The following GALNT17 variants were observed in gnomAD, a reference collection of about 807,000 sequenced individuals.
GALNT17 encodes UDP-GalNAc:polypeptide N-acetylgalactosaminyltransferase-like 3.
Under a neutral mutation model 63.7 loss-of-function variants are expected in GALNT17, and 29 were observed. The observed-to-expected ratio is 0.46, with a 90% confidence interval of 0.34 to 0.62. GALNT17 has a LOEUF of 0.62. Among genes scored for constraint, GALNT17 ranks in the 20% least tolerant of loss-of-function variants. The pLI is 0.01. For synonymous variants in GALNT17, 305 were observed against 318.3 expected (o/e 0.96, Z 0.45); for missense variants, 603 against 799.6 (o/e 0.75, Z 2.97).
intron 6 of GALNT17, among the ~76,000 whole-genome samples, chr7:71,594,645 A>T (rs1239862463): frequency 6.6e-6 from 1 of 152,200 alleles, no homozygotes; most frequent in Non-Finnish European, 1.5e-5. Flanking sequence ...GAAGAGATCT[A>T]TGCTCAGGCA....
chr7:71,588,606 G>A (rs1789753638), intron 6 of GALNT17, among the ~76,000 whole-genome samples: 2 of 152,198 alleles, frequency 1.3e-5, no homozygotes, highest in South Asian at 4.2e-4. Context: ...TTGCTGTGTA[G>A]TCACAGCCAC....
intron 2 of GALNT17, among the ~76,000 whole-genome samples, chr7:71,345,711 A>G (rs1039299538): frequency 1.3e-5 from 2 of 152,090 alleles, no homozygotes; most frequent in Non-Finnish European, 2.9e-5. Context: ...ATAATGAATG[A>G]GTGGAGCAAA....
At chr7:71,270,848 A>C (rs73370015) in intron 1 of GALNT17, among the ~76,000 whole-genome samples, 2,704 of 152,206 alleles carry the variant, frequency 0.018, 68 homozygotes, top group African/African-American at 0.06. Flanking sequence ...CAGGAAAAAA[A>C]AATAAAAAAG....
chr7:71,362,973 C>CTT (rs918133566), intron 2 of GALNT17, among the ~76,000 whole-genome samples: 2 of 149,502 alleles, frequency 1.3e-5, no homozygotes, highest in Non-Finnish European at 3.0e-5. Context: ...TTCTTTCTTT[C>CTT]TTTTTTTTTT....
At chr7:71,329,895 ATATATATG>A (rs1791773049) in intron 1 of GALNT17, among the ~76,000 whole-genome samples, 1 of 143,582 alleles carries the variant, frequency 7.0e-6, no homozygotes, top group African/African-American at 2.6e-5. Context: ...CTCCAAGAAT[ATATATATG>A]TATATATATA....
chr7:71,356,619 G>A (rs1470177536), intron 2 of GALNT17, among the ~76,000 whole-genome samples: 1 of 152,160 alleles, frequency 6.6e-6, no homozygotes, highest in Non-Finnish European at 1.5e-5. Context: ...AACTCACAGA[G>A]TAGAGAACTT....
chr7:71,365,483 A>T (rs1040374758), intron 2 of GALNT17, among the ~76,000 whole-genome samples: 1 of 151,888 alleles, frequency 6.6e-6, no homozygotes, highest in Non-Finnish European at 1.5e-5. Context: ...GTGGTGATCC[A>T]CCCGCCTCGG....
intron 6 of GALNT17, among the ~76,000 whole-genome samples, chr7:71,647,625 A>G (rs1028456401): frequency 2.0e-5 from 3 of 152,020 alleles, no homozygotes; most frequent in African/African-American, 7.2e-5. Context: ...TACCTCTACC[A>G]TTGCTTCTGT....
intron 6 of GALNT17, among the ~76,000 whole-genome samples, chr7:71,646,920 G>T (rs1373630214): frequency 2.0e-5 from 3 of 149,784 alleles, no homozygotes; most frequent in Non-Finnish European, 4.4e-5. Context: ...CTAATTTTTT[G>T]TATTTTTAGT....
intron 5 of GALNT17, among the ~76,000 whole-genome samples, chr7:71,562,452 C>A (rs1178562783): frequency 6.6e-6 from 1 of 152,172 alleles, no homozygotes; most frequent in Non-Finnish European, 1.5e-5. Flanking sequence ...AGTGGGAGCC[C>A]TGAGCTTGTT....
rs773484008 is a variant in GALNT17 at position 71,132,958 on chromosome 7, C to G, written c.156C>G (p.Ser52Arg). 6.8e-6 allele frequency: 11 copies of G among 1,609,822 alleles called. No homozygotes were observed. The highest frequency in any genetic ancestry group is 1.1e-5 in the South Asian group (1 of 90,976). Reference protein sequence around the residue: ...IRPRAEVANLSAHSASPIQDA... With the variant: ...IRPRAEVANLRAHSASPIQDA... ...CGCGCGCCGAGGTGGCCAACCTCAGCGCGCACAGCGCCAGCCCCATCCAGG... is the reference window on the plus strand; with the variant it reads ...CGCGCGCCGAGGTGGCCAACCTCAGGGCGCACAGCGCCAGCCCCATCCAGG... The change falls in exon 1 of 11, where the codon AGC becomes AGG. Residue 52 changes from serine to arginine, a missense_variant. Ser to Arg is a moderately radical substitution (Grantham distance 110). This residue lies in a region of GALNT17 where 195 missense variants were observed against 215.0 expected (regional missense o/e 0.91). Coordinates refer to ENST00000333538, the MANE Select transcript of GALNT17 (RefSeq NM_022479.3).
chr7:71,203,682 T>A (rs1325954459), intron 1 of GALNT17, among the ~76,000 whole-genome samples: 1 of 152,202 alleles, frequency 6.6e-6, no homozygotes, highest in Non-Finnish European at 1.5e-5. Context: ...TGCTGGCATC[T>A]GCTCAGATTC....
intron 5 of GALNT17, among the ~76,000 whole-genome samples, chr7:71,491,159 A>G: frequency 6.6e-6 from 1 of 152,094 alleles, no homozygotes; most frequent in Non-Finnish European, 1.5e-5. Context: ...GTACCATTGC[A>G]CTCCAGCCTG....
intron 1 of GALNT17, among the ~76,000 whole-genome samples, chr7:71,229,863 G>A (rs565818775): frequency 2.0e-5 from 3 of 152,338 alleles, no homozygotes; most frequent in Middle Eastern, 3.4e-3. Flanking sequence ...CTCCGTGGCC[G>A]GAAGGGTAAT....
At chr7:71,595,201 C>T (rs760724053) in intron 6 of GALNT17, among the ~76,000 whole-genome samples, 1 of 152,204 alleles carries the variant, frequency 6.6e-6, no homozygotes, top group African/African-American at 2.4e-5. Flanking sequence ...ACCTGAGAAT[C>T]GCTAGAGGTT....
At chr7:71,359,044 G>A (rs191316686) in intron 2 of GALNT17, among the ~76,000 whole-genome samples, 57 of 152,204 alleles carry the variant, frequency 3.7e-4, no homozygotes, top group African/African-American at 1.3e-3. Flanking sequence ...CAAAATTCTG[G>A]GATTTGCTTC....
At chr7:71,476,381 G>A (rs568468103) in intron 5 of GALNT17, among the ~76,000 whole-genome samples, 9 of 152,262 alleles carry the variant, frequency 5.9e-5, no homozygotes, top group East Asian at 3.9e-4. Flanking sequence ...ATGGAAAGAT[G>A]TGTGGTTTTC....
chr7:71,454,452 A>G (rs866924201), intron 5 of GALNT17, among the ~76,000 whole-genome samples: 48 of 152,178 alleles, frequency 3.2e-4, no homozygotes, highest in African/African-American at 1.2e-3. Flanking sequence ...CATTTTCTTT[A>G]TCCAGTCTAT....
intron 5 of GALNT17, among the ~76,000 whole-genome samples, chr7:71,422,214 C>T (rs1279824152): frequency 6.6e-6 from 1 of 152,092 alleles, no homozygotes; most frequent in Non-Finnish European, 1.5e-5. Context: ...CCTTTTCCAG[C>T]TTCCAGAAGC....
Sources: gnomAD v4.1 joint callset for allele counts (sites outside exome capture counted in the v4.1 genomes callset) on GRCh38, gnomAD v4.1.1 for gene constraint, gnomAD v4.1.1 regional missense constraint, MANE v1.5 for transcripts, NCBI Gene and HGNC (gene_info 2026-07-23, HGNC 2026-07-21) for gene names.